FAF1: variants seen among roughly 807,000 people sequenced by gnomAD.
FAF1 encodes the protein FAS-associated factor 1.
In FAF1, 25 loss-of-function variants were observed where a neutral mutation model predicts 92.5. That is an observed-to-expected ratio of 0.27 (90% confidence interval 0.20 to 0.38). The LOEUF (loss-of-function observed/expected upper bound fraction) is 0.38, where lower values mean the gene tolerates loss of function less well. Among genes scored for constraint, FAF1 ranks in the 10% least tolerant of loss-of-function variants. The pLI, the probability that FAF1 is intolerant of heterozygous loss-of-function variation, is 1.00. For missense variants in FAF1, 636 were observed against 793.3 expected (o/e 0.80, Z 2.38); for synonymous variants, 234 against 273.2 (o/e 0.86, Z 1.42).
chr1:50,673,615 G>A (rs1024229516), intron 7 of FAF1, among the ~76,000 whole-genome samples: 1 of 152,172 alleles, frequency 6.6e-6, no homozygotes, highest in Non-Finnish European at 1.5e-5. Flanking sequence ...GATACGTGCT[G>A]TGATGGGTGA....
intron 8 of FAF1, among the ~76,000 whole-genome samples, chr1:50,616,992 T>C (rs1017315072): frequency 2.0e-5 from 3 of 152,186 alleles, no homozygotes; most frequent in Non-Finnish European, 4.4e-5. Flanking sequence ...GTACATTGAT[T>C]TTATATCCAG....
intron 15 of FAF1, among the ~76,000 whole-genome samples, chr1:50,526,786 A>G (rs896337697): frequency 6.6e-6 from 1 of 152,020 alleles, no homozygotes; most frequent in Admixed American, 6.6e-5. Context: ...GCACCATTTT[A>G]CATTCCCACT....
Position 50,475,526 on chromosome 1 carries a change from C to T in FAF1, c.1807G>A (p.Val603Ile). Residue 603 changes from valine (V) to isoleucine (I), a missense_variant, in exon 18 of 19, where the codon GTA becomes ATA. Physicochemically the swap from Val to Ile is conservative, Grantham distance 29 (BLOSUM62 3). Transcript: ENST00000396153. ...TCCCATGGAAATCCTTTGGAAGCTA[C>T]AAAATCAAAGACAATCTGGAGCTTG... is the stretch of plus-strand genomic sequence containing the variant. ...SNKLQIVFDFVASKGFPWDEY... is the reference protein window; with the variant it reads ...SNKLQIVFDFIASKGFPWDEY... 6.2e-7 allele frequency: 1 copy of T among 1,614,110 alleles called. No homozygotes were observed. Among genetic ancestry groups the T allele is most frequent in the Non-Finnish European group, 8.5e-7 (1 of 1,179,986 alleles).
At chr1:50,788,716 C>T (rs2124574351) in intron 3 of FAF1, among the ~76,000 whole-genome samples, 1 of 152,284 alleles carries the variant, frequency 6.6e-6, no homozygotes, top group East Asian at 1.9e-4. Flanking sequence ...AGAAATTTCC[C>T]TTATCTTCTT....
intron 18 of FAF1, among the ~76,000 whole-genome samples, chr1:50,464,864 A>T (rs1433981420): frequency 6.6e-6 from 1 of 152,232 alleles, no homozygotes; most frequent in Non-Finnish European, 1.5e-5. Context: ...AAGTGCCAGC[A>T]TTAGAACAAA....
At chr1:50,886,996 CA>C (rs889218172) in intron 1 of FAF1, among the ~76,000 whole-genome samples, 1 of 152,202 alleles carries the variant, frequency 6.6e-6, no homozygotes, top group African/African-American at 2.4e-5. Flanking sequence ...GTCCCACCAA[CA>C]GTGTAAAAGT....
intron 6 of FAF1, among the ~76,000 whole-genome samples, chr1:50,731,463 A>T (rs2781796): frequency 6.6e-6 from 1 of 150,890 alleles, no homozygotes; most frequent in Non-Finnish European, 1.5e-5. Flanking sequence ...TCTGCCTCCC[A>T]GGTTCACGCC....
chr1:50,849,579 T>C (rs1165196969), intron 2 of FAF1, among the ~76,000 whole-genome samples: 1 of 152,164 alleles, frequency 6.6e-6, no homozygotes, highest in African/African-American at 2.4e-5. Context: ...TCCTAAAATA[T>C]AGACTATATT....
intron 2 of FAF1, among the ~76,000 whole-genome samples, chr1:50,857,233 T>A (rs1644397092): frequency 6.6e-6 from 1 of 151,850 alleles, no homozygotes; most frequent in Non-Finnish European, 1.5e-5. Context: ...TACCTACATA[T>A]CTAAACTCAC....
intron 8 of FAF1, among the ~76,000 whole-genome samples, chr1:50,644,050 T>G (rs1654466779): frequency 6.6e-6 from 1 of 152,254 alleles, no homozygotes; most frequent in Admixed American, 6.5e-5. Context: ...CATGTCTGTT[T>G]CTTTTGACTG....
At chr1:50,952,125 T>G (rs1164719152) in intron 1 of FAF1, among the ~76,000 whole-genome samples, 1 of 152,136 alleles carries the variant, frequency 6.6e-6, no homozygotes, top group African/African-American at 2.4e-5. Context: ...ATCTCCCTCA[T>G]CTCCCGTTTC....
chr1:50,812,609 TTACA>T (rs1416534141), intron 2 of FAF1, among the ~76,000 whole-genome samples: 1 of 152,174 alleles, frequency 6.6e-6, no homozygotes. Context: ...AAGGGAGTGC[TTACA>T]TGCTGTTGGT....
At chr1:50,947,272 T>C (rs964270888) in intron 1 of FAF1, among the ~76,000 whole-genome samples, 1 of 152,194 alleles carries the variant, frequency 6.6e-6, no homozygotes, top group Non-Finnish European at 1.5e-5. Flanking sequence ...GTTCAATCAT[T>C]AAAGAATCCA....
chr1:50,712,274 G>A (rs1657963639), intron 6 of FAF1, among the ~76,000 whole-genome samples: 1 of 152,232 alleles, frequency 6.6e-6, no homozygotes, highest in African/African-American at 2.4e-5. Flanking sequence ...GACCAGTGAT[G>A]CTTTCCACAG....
chr1:50,699,855 A>T (rs1657391143), intron 7 of FAF1, among the ~76,000 whole-genome samples: 1 of 152,162 alleles, frequency 6.6e-6, no homozygotes, highest in Non-Finnish European at 1.5e-5. Flanking sequence ...GGAAAATATT[A>T]AATTATAATT....
chr1:50,567,771 C>G (rs1650239853), intron 12 of FAF1, among the ~76,000 whole-genome samples: 1 of 151,972 alleles, frequency 6.6e-6, no homozygotes, highest in South Asian at 2.1e-4. Flanking sequence ...TTAATGTATT[C>G]TCATATTAAG....
intron 1 of FAF1, among the ~76,000 whole-genome samples, chr1:50,921,525 G>A (rs1010030223): frequency 6.6e-6 from 1 of 152,164 alleles, no homozygotes; most frequent in Non-Finnish European, 1.5e-5. Flanking sequence ...ACTTTGTGAA[G>A]TCAACAAGCG....
At chr1:50,724,296 T>TACACACACACACACACACACAC (rs974347882) in intron 6 of FAF1, among the ~76,000 whole-genome samples, 1 of 117,132 alleles carries the variant, frequency 8.5e-6, no homozygotes, top group African/African-American at 3.1e-5. Flanking sequence ...CACACACACA[T>TACACACACACACACACACACAC]ACACACACAC....
intron 1 of FAF1, among the ~76,000 whole-genome samples, chr1:50,958,446 G>A (rs992131410): frequency 3.3e-5 from 5 of 152,150 alleles, no homozygotes; most frequent in Non-Finnish European, 7.3e-5. Flanking sequence ...GGGAGGCCGA[G>A]GAGGGTGGAT....
Sources: allele counts gnomAD v4.1 joint callset (sites outside exome capture counted in the v4.1 genomes callset), GRCh38; gene constraint gnomAD v4.1.1; transcripts MANE v1.5; gene names NCBI Gene and HGNC (gene_info 2026-07-23, HGNC 2026-07-21).